Variants in NFIA observed in about 807,000 individuals in gnomAD.
NFIA encodes nuclear factor I A.
NFIA carries 8 observed loss-of-function variants against 62.8 expected under a neutral mutation model. The ratio of observed to expected loss-of-function variants is 0.13; its 90% confidence interval spans 0.07 to 0.23. The LOEUF is 0.23. NFIA is among the 10% of genes least tolerant of loss of function. The pLI, the probability that NFIA is intolerant of heterozygous loss-of-function variation, is 1.00. For synonymous variants in NFIA, 235 were observed against 238.1 expected (o/e 0.99, Z 0.12); for missense variants, 410 against 642.1 (o/e 0.64, Z 3.91).
chr1:61,131,996 C>T (rs1319014813), intron 2 of NFIA, among the ~76,000 whole-genome samples: 1 of 152,130 alleles, frequency 6.6e-6, no homozygotes, highest in Non-Finnish European at 1.5e-5. Flanking sequence ...GCTTTACTGG[C>T]ACCTATTTAA....
In NFIA at chr1:61,460,488, A is replaced by G. The variant is rs1054336069; in HGVS notation, c.*5168A>G. 1.3e-5 allele frequency: 2 copies of G among 152,252 alleles called. No homozygotes were observed. Among genetic ancestry groups the G allele is most frequent in the African/African-American group, 4.8e-5 (2 of 41,462 alleles). 9.4% of individuals were successfully genotyped at this position (152,252 alleles called of 1,614,324 possible). On this transcript the variant is annotated 3_prime_UTR_variant, in exon 11 of 11. Coordinates refer to ENST00000403491, the MANE Select transcript of NFIA (RefSeq NM_001134673.4). ...GGCTCAATTCACTCTGCTTTCCAAC[A>G]GTGTAAATGCATAGCAGTGTTTATC...
chr1:61,249,833 A>G (rs1261729811), intron 2 of NFIA: 1 of 152,078 alleles, frequency 6.6e-6, no homozygotes, highest in African/African-American at 2.4e-5. Context: ...AAAAAAGAAT[A>G]ATATTCGTTA....
chr1:61,108,772 T>C lies in NFIA; in HGVS notation c.559+20092T>C, dbSNP rs34192102. Among the ~76,000 whole-genome samples, 1,752 of 151,934 alleles carry C rather than the reference T, an allele frequency of 0.012. 104 individuals are homozygous for C. The East Asian group carries it at 0.18, about 16-fold the overall frequency. On this transcript the variant is annotated intron_variant, in intron 2 of 10. Transcript: ENST00000403491. ...ACAAGACCTGACCTAGTTTTGTTAA[T>C]TTTCCTCTTATTTTTAAAAATTTTA...
intron 6 of NFIA, among the ~76,000 whole-genome samples, chr1:61,363,719 T>C (rs1663428770): frequency 6.6e-6 from 1 of 152,044 alleles, no homozygotes; most frequent in East Asian, 1.9e-4. Flanking sequence ...AGAAGAAATA[T>C]AGATTATTAA....
intron 2 of NFIA, among the ~76,000 whole-genome samples, chr1:61,155,761 C>T (rs925472952): frequency 8.6e-5 from 13 of 151,224 alleles, no homozygotes; most frequent in Non-Finnish European, 1.5e-4. Flanking sequence ...ATTAAAGTTT[C>T]ATTGCAAAAG....
chr1:61,241,402 T>C (rs771652142), intron 2 of NFIA, among the ~76,000 whole-genome samples: 8 of 152,200 alleles, frequency 5.3e-5, no homozygotes, highest in Non-Finnish European at 1.2e-4. Flanking sequence ...AGTGAGGATG[T>C]TGTAAATTGT....
chr1:61,090,525 C>T (rs1646301987), intron 2 of NFIA, among the ~76,000 whole-genome samples: 1 of 152,158 alleles, frequency 6.6e-6, no homozygotes, highest in Non-Finnish European at 1.5e-5. Context: ...TACGTGCCTT[C>T]TTTTTCGTCG....
intron 2 of NFIA, among the ~76,000 whole-genome samples, chr1:61,137,302 A>G (rs1272602081): frequency 6.6e-6 from 1 of 152,170 alleles, no homozygotes; most frequent in African/African-American, 2.4e-5. Flanking sequence ...CAAGGTAGTT[A>G]TTACTGACCT....
intron 6 of NFIA, among the ~76,000 whole-genome samples, chr1:61,365,060 G>A (rs571714019): frequency 6.6e-6 from 1 of 152,170 alleles, no homozygotes; most frequent in African/African-American, 2.4e-5. Context: ...AATGGTGTGT[G>A]CCCGTAGTCC....
intron 1 of NFIA, among the ~76,000 whole-genome samples, chr1:61,084,310 C>T (rs914389657): frequency 1.4e-4 from 21 of 152,022 alleles, no homozygotes; most frequent in African/African-American, 5.1e-4. Context: ...GTAATAATAC[C>T]GGGTATTTGA....
intron 2 of NFIA, among the ~76,000 whole-genome samples, chr1:61,261,461 G>A (rs902599272): frequency 6.6e-5 from 10 of 152,216 alleles, no homozygotes; most frequent in South Asian, 2.1e-4. Context: ...GCAGGATAAC[G>A]TTAAGTGTTC....
intron 2 of NFIA, among the ~76,000 whole-genome samples, chr1:61,148,173 C>T (rs1648141797): frequency 1.3e-5 from 2 of 152,122 alleles, no homozygotes; most frequent in African/African-American, 4.8e-5. Flanking sequence ...GTAGTAGGTA[C>T]TCATTAGCAT....
chr1:61,118,598 C>T (rs762915988), intron 2 of NFIA, among the ~76,000 whole-genome samples: 2 of 151,840 alleles, frequency 1.3e-5, no homozygotes, highest in Non-Finnish European at 2.9e-5. Context: ...AGGATGAGGC[C>T]GCATTCATAC....
chr1:61,279,007 A>G (rs1433233024), intron 3 of NFIA, among the ~76,000 whole-genome samples: 1 of 152,208 alleles, frequency 6.6e-6, no homozygotes, highest in African/African-American at 2.4e-5. Flanking sequence ...TTTATGCTTT[A>G]AAAATGTCAG....
chr1:61,364,051 T>G (rs1467089260), intron 6 of NFIA, among the ~76,000 whole-genome samples: 1 of 151,908 alleles, frequency 6.6e-6, no homozygotes, highest in Non-Finnish European at 1.5e-5. Flanking sequence ...GTTCAGGTGA[T>G]TCTCCTGCCT....
At chr1:61,213,812 C>CT (rs1334390122) in intron 2 of NFIA, among the ~76,000 whole-genome samples, 3 of 152,206 alleles carry the variant, frequency 2.0e-5, no homozygotes, top group Non-Finnish European at 2.9e-5. Context: ...TGCTCCTACT[C>CT]TGTCACACTG....
At chr1:61,347,606 AAAC>A (rs1435959981) in intron 4 of NFIA, among the ~76,000 whole-genome samples, 1 of 152,190 alleles carries the variant, frequency 6.6e-6, no homozygotes, top group African/African-American at 2.4e-5. Context: ...TCCTGGAATC[AAAC>A]CTTTTTCTGA....
intron 4 of NFIA, among the ~76,000 whole-genome samples, chr1:61,334,587 A>C (rs186078352): frequency 9.0e-5 from 9 of 99,618 alleles, no homozygotes; most frequent in African/African-American, 3.3e-4. Flanking sequence ...ATATATATAT[A>C]TATATATATA....
rs534504238 is a variant in NFIA at position 61,443,929 on chromosome 1, TC to T, written c.1513-11372del. On this transcript the variant is annotated intron_variant, in intron 10 of 10. Transcript: ENST00000403491. ...GGCATCTGAGAACCCCTTCAACTCTTCCTGCTTCTAAATGAAAAATAGCCAT... is the reference window on the plus strand; with the variant it reads ...GGCATCTGAGAACCCCTTCAACTCTTCTGCTTCTAAATGAAAAATAGCCAT... Among the ~76,000 whole-genome samples, 54 of 152,300 alleles carry T rather than the reference TC, an allele frequency of 3.5e-4. 1 individual carries two copies. The South Asian group carries it at 9.3e-3, about 26-fold the overall frequency.
Sources: gnomAD v4.1 joint callset for allele counts (sites outside exome capture counted in the v4.1 genomes callset) on GRCh38, gnomAD v4.1.1 for gene constraint, MANE v1.5 for transcripts, NCBI Gene and HGNC (gene_info 2026-07-23, HGNC 2026-07-21) for gene names.